KCNMB2: variants seen among roughly 807,000 people sequenced by gnomAD.
KCNMB2 encodes calcium-activated potassium channel subunit beta-2.
KCNMB2 carries 9 observed loss-of-function variants against 24.5 expected under a neutral mutation model. That is an observed-to-expected ratio of 0.37 (90% CI 0.22 to 0.64). The LOEUF is 0.64. Among genes scored for constraint, KCNMB2 ranks in the 30% least tolerant of loss-of-function variants. The pLI is 0.63. For missense variants in KCNMB2, 226 were observed against 284.3 expected (o/e 0.79, Z 1.47); for synonymous variants, 109 against 104.4 (o/e 1.04, Z -0.27).
In KCNMB2 at chr3:178,758,153, T is replaced by C. The variant is rs1400325420; in HGVS notation, c.-67-49190T>C. On this transcript the variant is annotated intron_variant, in intron 1 of 4. Coordinates refer to ENST00000452583, the MANE Select transcript of KCNMB2 (RefSeq NM_181361.3). The stretch of plus-strand genomic sequence containing the variant: ...ACACACAAGAGGATATATATATATA[T>C]ATATCCAAGAGGATATATATATATA... Among the ~76,000 whole-genome samples the C allele has an allele frequency of 1.3e-3, 126 of 93,704 alleles. 8 individuals are homozygous for C. The highest frequency in any genetic ancestry group is 5.2e-3 in the African/African-American group (120 of 23,096). The allele number at this position is 93,704 out of a possible 152,430, so 61.5% of individuals were successfully genotyped here. A position where few individuals can be genotyped will look rare whatever the true frequency, so the allele number is the denominator to read the frequency against.
intron 1 of KCNMB2, among the ~76,000 whole-genome samples, chr3:178,550,907 T>C (rs1379356427): frequency 6.6e-6 from 1 of 152,216 alleles, no homozygotes; most frequent in Non-Finnish European, 1.5e-5. Context: ...CTGTTTTTAT[T>C]ATTAAGATGA....
intron 1 of KCNMB2, among the ~76,000 whole-genome samples, chr3:178,580,262 T>C (rs1717150098): frequency 6.6e-6 from 1 of 152,110 alleles, no homozygotes; most frequent in Non-Finnish European, 1.5e-5. Context: ...CCAGAACCAA[T>C]GACAGAAACC....
intron 1 of KCNMB2, among the ~76,000 whole-genome samples, chr3:178,688,750 T>C (rs1176261857): frequency 1.3e-5 from 2 of 152,206 alleles, no homozygotes; most frequent in African/African-American, 4.8e-5. Flanking sequence ...TTCGTATTTA[T>C]TTATATTTGC....
Position 178,706,470 on chromosome 3 carries a change from G to A in KCNMB2, c.-67-100873G>A, listed in dbSNP as rs138303766. On this transcript the variant is annotated intron_variant, in intron 1 of 4. Transcript: ENST00000452583. The stretch of plus-strand genomic sequence containing the variant: ...CATTTGGAGCATTTAGAAGGTCCAC[G>A]CTATTTCCCAATGGGTGCAGATGAC... Among the ~76,000 whole-genome samples, 52 of 152,114 alleles carry A rather than the reference G, an allele frequency of 3.4e-4. 1 individual carries two copies. In the South Asian group the frequency reaches 7.7e-3, roughly 22 times the overall value.
At position 178,652,264 on chromosome 3, in the gene KCNMB2, A is replaced by G. The variant is rs368379424; in HGVS notation, c.-68+115553A>G. On this transcript the variant is annotated intron_variant, in intron 1 of 4. Coordinates refer to ENST00000452583, the MANE Select transcript of KCNMB2 (RefSeq NM_181361.3). ...AACCCCATCAAAAAGTGGGAGTTGA[A>G]CAATGAGAACACATGGACACAGGGA... Among the ~76,000 whole-genome samples the G allele has an allele frequency of 2.8e-4, 43 of 152,262 alleles. 1 individual carries two copies. In the South Asian group the frequency reaches 8.7e-3, roughly 31 times the overall value.
intron 1 of KCNMB2, among the ~76,000 whole-genome samples, chr3:178,643,341 TGTA>T (rs1719794616): frequency 6.6e-6 from 1 of 152,178 alleles, no homozygotes; most frequent in Non-Finnish European, 1.5e-5. Context: ...GTGTCTTGAT[TGTA>T]GTAGTGTTTA....
chr3:178,734,165 T>C (rs1055466422), intron 1 of KCNMB2, among the ~76,000 whole-genome samples: 1 of 152,158 alleles, frequency 6.6e-6, no homozygotes, highest in African/African-American at 2.4e-5. Context: ...AGCCCAAAAT[T>C]CATGTATGTT....
At chr3:178,541,012 T>C (rs1715598787) in intron 1 of KCNMB2, among the ~76,000 whole-genome samples, 1 of 152,228 alleles carries the variant, frequency 6.6e-6, no homozygotes, top group African/African-American at 2.4e-5. Flanking sequence ...TTAAATGTTT[T>C]CCTTCATCAA....
chr3:178,800,284 A>C (rs1298229512), intron 1 of KCNMB2, among the ~76,000 whole-genome samples: 2 of 152,184 alleles, frequency 1.3e-5, no homozygotes, highest in African/African-American at 4.8e-5. Context: ...TCCATCTGAC[A>C]AGGGATTAGT....
chr3:178,651,209 C>T (rs918168763), intron 1 of KCNMB2, among the ~76,000 whole-genome samples: 2 of 152,058 alleles, frequency 1.3e-5, no homozygotes, highest in African/African-American at 4.8e-5. Flanking sequence ...ACTTCAGCAA[C>T]ATCTCAGGAT....
At position 178,757,617 on chromosome 3, in the gene KCNMB2, C is replaced by A. The variant is rs188568779; in HGVS notation, c.-67-49726C>A. Among the ~76,000 whole-genome samples, 75 of 26,026 alleles carry A rather than the reference C, an allele frequency of 2.9e-3. 2 individuals carry two copies. The highest frequency in any genetic ancestry group is 9.2e-3 in the African/African-American group (65 of 7,066). 17.1% of individuals were successfully genotyped at this position (26,026 alleles called of 152,430 possible). A position where few individuals can be genotyped will look rare whatever the true frequency, so the allele number is the denominator to read the frequency against. Reference sequence around the variant, plus strand: ...GGATATATATATATGTATATATATCCAAGAGGATATATATATGTATATATA... The same window carrying A: ...GGATATATATATATGTATATATATCAAAGAGGATATATATATGTATATATA... On this transcript the variant is annotated intron_variant, in intron 1 of 4. Coordinates refer to ENST00000452583, the MANE Select transcript of KCNMB2 (RefSeq NM_181361.3).
chr3:178,564,900 T>G (rs1308938374), intron 1 of KCNMB2, among the ~76,000 whole-genome samples: 2 of 152,218 alleles, frequency 1.3e-5, no homozygotes, highest in Non-Finnish European at 2.9e-5. Context: ...TATTAAAATT[T>G]TGGAGGCAAC....
At chr3:178,597,763 C>T (rs1023220950) in intron 1 of KCNMB2, among the ~76,000 whole-genome samples, 8 of 152,018 alleles carry the variant, frequency 5.3e-5, no homozygotes, top group East Asian at 3.9e-4. Context: ...TCCAAACTAC[C>T]GTGGGTTGTG....
At chr3:178,582,937 T>C (rs1477772) in intron 1 of KCNMB2, among the ~76,000 whole-genome samples, 122,117 of 152,154 alleles carry the variant, frequency 0.8, 49,675 homozygotes, top group African/African-American at 0.95. Context: ...AGAATCAACT[T>C]CTCAATGGTA....
At chr3:178,712,488 G>C (rs1226304609) in intron 1 of KCNMB2, among the ~76,000 whole-genome samples, 1 of 152,208 alleles carries the variant, frequency 6.6e-6, no homozygotes, top group African/African-American at 2.4e-5. Flanking sequence ...GAGACAAACA[G>C]AGTTCTGGCT....
At chr3:178,566,801 A>G (rs1297992388) in intron 1 of KCNMB2, among the ~76,000 whole-genome samples, 2 of 152,250 alleles carry the variant, frequency 1.3e-5, no homozygotes, top group Admixed American at 6.5e-5. Flanking sequence ...TACAGTGCAC[A>G]CTTTGCAAAA....
intron 1 of KCNMB2, among the ~76,000 whole-genome samples, chr3:178,617,793 AG>A: frequency 6.7e-6 from 1 of 149,342 alleles, no homozygotes. Flanking sequence ...CTGGAGCCTG[AG>A]GCAGGAGAAT....
At chr3:178,815,495 C>T (rs189051692) in intron 2 of KCNMB2, among the ~76,000 whole-genome samples, 23 of 152,112 alleles carry the variant, frequency 1.5e-4, no homozygotes, top group Non-Finnish European at 2.5e-4. Flanking sequence ...TTGGTGAATA[C>T]GCTTTTATTT....
At chr3:178,576,693 A>C (rs1249764781) in intron 1 of KCNMB2, among the ~76,000 whole-genome samples, 1 of 152,180 alleles carries the variant, frequency 6.6e-6, no homozygotes, top group Non-Finnish European at 1.5e-5. Context: ...TTGAGTAGGC[A>C]ATTTTCCCCT....
Sources: gnomAD v4.1 joint callset for allele counts (sites outside exome capture counted in the v4.1 genomes callset) on GRCh38, gnomAD v4.1.1 for gene constraint, MANE v1.5 for transcripts, NCBI Gene and HGNC (gene_info 2026-07-23, HGNC 2026-07-21) for gene names.